Variants in PRKD1 observed in about 807,000 individuals in gnomAD.
PRKD1 encodes protein kinase D1.
A neutral mutation model predicts 95.9 loss-of-function variants in PRKD1; 63 were observed. The ratio of observed to expected loss-of-function variants is 0.66; its 90% CI spans 0.54 to 0.81. The LOEUF is 0.81. Ranked by LOEUF, PRKD1 falls within the 30% of genes least tolerant of loss-of-function variation. PRKD1 has a pLI of 0.00. For missense variants in PRKD1, 1,048 were observed against 1,165.3 expected (o/e 0.90, Z 1.47); for synonymous variants, 425 against 423.1 (o/e 1.00, Z -0.05).
At position 29,925,447 on chromosome 14, in the gene PRKD1, A is replaced by C. The variant is rs572548054; in HGVS notation, c.264+1802T>G. On this transcript the variant is annotated intron_variant, in intron 1 of 17. Coordinates refer to ENST00000331968, the MANE Select transcript of PRKD1 (RefSeq NM_002742.3). ...ATAACTGTACTTCCCTTAAATACCC[A>C]GGCCACCACCTGCAGGCCTGCTGCA... 3.9e-3 allele frequency among the ~76,000 whole-genome samples: 593 copies of C among 152,264 alleles called. 7 individuals carry two copies. Among genetic ancestry groups the C allele is most frequent in the African/African-American group, 0.014 (578 of 41,530 alleles).
At chr14:29,755,607 T>C (rs999000252) in intron 1 of PRKD1, among the ~76,000 whole-genome samples, 3 of 152,154 alleles carry the variant, frequency 2.0e-5, no homozygotes, top group Admixed American at 6.6e-5. Context: ...CTTGTAATCA[T>C]AGGATTTCTA....
chr14:29,612,541 G>A (rs1248225111), intron 13 of PRKD1, among the ~76,000 whole-genome samples: 2 of 152,144 alleles, frequency 1.3e-5, no homozygotes, highest in Non-Finnish European at 2.9e-5. Flanking sequence ...GGAAACCAGG[G>A]TGGAAAGAGA....
At chr14:29,658,195 C>T (rs1266368420) in intron 4 of PRKD1, among the ~76,000 whole-genome samples, 1 of 152,120 alleles carries the variant, frequency 6.6e-6, no homozygotes, top group Non-Finnish European at 1.5e-5. Context: ...TCTGGGCCGT[C>T]GTCACAATTC....
chr14:29,754,202 A>G (rs937878507), intron 1 of PRKD1, among the ~76,000 whole-genome samples: 5 of 152,292 alleles, frequency 3.3e-5, no homozygotes, highest in African/African-American at 1.2e-4. Context: ...GTGGGCATTA[A>G]AAGTTTCTTC....
chr14:29,732,579 GC>G (rs1886492467), intron 1 of PRKD1, among the ~76,000 whole-genome samples: 1 of 152,060 alleles, frequency 6.6e-6, no homozygotes, highest in Admixed American at 6.5e-5. Context: ...TTTGTATAGA[GC>G]CAAGGTTTCA....
At chr14:29,619,465 T>C (rs1879097803) in intron 13 of PRKD1, among the ~76,000 whole-genome samples, 1 of 152,194 alleles carries the variant, frequency 6.6e-6, no homozygotes, top group African/African-American at 2.4e-5. Flanking sequence ...CCAGGAACAA[T>C]TTCTGGCAGT....
intron 4 of PRKD1, among the ~76,000 whole-genome samples, chr14:29,655,134 C>T (rs931972818): frequency 1.3e-5 from 2 of 152,180 alleles, no homozygotes; most frequent in Admixed American, 6.5e-5. Context: ...TCTTTGGCTT[C>T]ATGCCCAAAG....
chr14:29,873,252 A>C (rs1048744270), intron 1 of PRKD1, among the ~76,000 whole-genome samples: 3 of 152,090 alleles, frequency 2.0e-5, no homozygotes, highest in Middle Eastern at 3.4e-3. Context: ...CACCTGGCTA[A>C]GTTTTTGTAT....
intron 9 of PRKD1, 119 bp downstream of exon 9, chr14:29,632,750 C>A: frequency 1.1e-6 from 1 of 875,174 alleles, no homozygotes; most frequent in Non-Finnish European, 1.8e-6. Context: ...AAAAATAGTT[C>A]CTGGAGGAAG....
At chr14:29,813,336 T>A (rs1440638203) in intron 1 of PRKD1, among the ~76,000 whole-genome samples, 1 of 152,186 alleles carries the variant, frequency 6.6e-6, no homozygotes, top group African/African-American at 2.4e-5. Flanking sequence ...TGGAAGTACA[T>A]ATTTGATGCT....
At chr14:29,680,099 CT>C (rs1460958319) in intron 2 of PRKD1, among the ~76,000 whole-genome samples, 1 of 152,218 alleles carries the variant, frequency 6.6e-6, no homozygotes, top group African/African-American at 2.4e-5. Flanking sequence ...TGGTGGACAA[CT>C]TTAGTATTTC....
intron 13 of PRKD1, among the ~76,000 whole-genome samples, chr14:29,607,575 T>C (rs1878078963): frequency 1.3e-5 from 2 of 152,206 alleles, no homozygotes; most frequent in Non-Finnish European, 2.9e-5. Flanking sequence ...TCTCAGCTCC[T>C]TGAAGCTACC....
intron 1 of PRKD1, among the ~76,000 whole-genome samples, chr14:29,870,783 T>G (rs1893076606): frequency 6.6e-6 from 1 of 152,236 alleles, no homozygotes; most frequent in Non-Finnish European, 1.5e-5. Flanking sequence ...AGTGTAATAA[T>G]GACATTTATG....
intron 1 of PRKD1, among the ~76,000 whole-genome samples, chr14:29,807,032 C>T (rs753342126): frequency 6.6e-6 from 1 of 151,946 alleles, no homozygotes; most frequent in Non-Finnish European, 1.5e-5. Context: ...AAAAAATGCA[C>T]ATGCCTCAAT....
In PRKD1 at chr14:29,649,246, T is replaced by G. The variant is rs149570037; in HGVS notation, c.697-10342A>C. Among the ~76,000 whole-genome samples, 554 of 152,284 alleles carry G rather than the reference T, an allele frequency of 3.6e-3. 4 individuals are homozygous for G. Among genetic ancestry groups the G allele is most frequent in the African/African-American group, 0.013 (521 of 41,560 alleles). Reference sequence around the variant, plus strand: ...GGTGATACTGGAGGCGTGTATTTATTTGAGCTTTACTTTTTAGAGGCAGGT... The same window carrying G: ...GGTGATACTGGAGGCGTGTATTTATGTGAGCTTTACTTTTTAGAGGCAGGT... On this transcript the variant is annotated intron_variant, in intron 4 of 17. Coordinates refer to ENST00000331968, the MANE Select transcript of PRKD1 (RefSeq NM_002742.3).
intron 1 of PRKD1, among the ~76,000 whole-genome samples, chr14:29,833,891 A>T (rs1891511333): frequency 1.3e-5 from 2 of 151,832 alleles, no homozygotes; most frequent in South Asian, 4.2e-4. Context: ...GCGAGCCTGA[A>T]AAAAAAAGGA....
intron 12 of PRKD1, among the ~76,000 whole-genome samples, chr14:29,626,251 G>A (rs1555329400): frequency 2.6e-5 from 4 of 151,890 alleles, no homozygotes; most frequent in Non-Finnish European, 5.9e-5. Context: ...CTATATTAAA[G>A]AAAAAATGTT....
chr14:29,675,845 T>G (rs1232022581), intron 2 of PRKD1, among the ~76,000 whole-genome samples: 1 of 151,956 alleles, frequency 6.6e-6, no homozygotes, highest in Non-Finnish European at 1.5e-5. Flanking sequence ...TGGATGAAGC[T>G]GGAAACCATC....
Position 29,826,053 on chromosome 14 carries a change from G to A in PRKD1, c.265-100379C>T, listed in dbSNP as rs1424965609. Reference sequence around the variant, plus strand: ...TAGCACAATTCACAACTGCAAAAATGTGGAACCAACCTAAATGCCCATCAA... The same window carrying A: ...TAGCACAATTCACAACTGCAAAAATATGGAACCAACCTAAATGCCCATCAA... On this transcript the variant is annotated intron_variant, in intron 1 of 17. Coordinates refer to ENST00000331968, the MANE Select transcript of PRKD1 (RefSeq NM_002742.3). 1.3e-5 allele frequency among the ~76,000 whole-genome samples: 2 copies of A among 151,448 alleles called. 1 individual carries two copies. The highest frequency in any genetic ancestry group is 2.9e-5 in the Non-Finnish European group (2 of 67,864).
Sources: gnomAD v4.1 joint callset for allele counts (sites outside exome capture counted in the v4.1 genomes callset) on GRCh38, gnomAD v4.1.1 for gene constraint, MANE v1.5 for transcripts, NCBI Gene and HGNC (gene_info 2026-07-23, HGNC 2026-07-21) for gene names.